SKAP1: variants seen among roughly 807,000 people sequenced by gnomAD.
SKAP1 encodes the protein src kinase associated phosphoprotein 1, also known as src kinase-associated phosphoprotein 1.
In SKAP1, 44 loss-of-function variants were observed where a neutral mutation model predicts 58.5. The observed-to-expected ratio is 0.75, with a 90% CI of 0.59 to 0.97. The LOEUF is 0.97. SKAP1 is among the 50% of genes least tolerant of loss of function. The probability of loss-of-function intolerance (pLI) is 0.00; values close to 1 mark genes in which losing one functional copy is unlikely to be tolerated. For missense variants in SKAP1, 390 were observed against 435.2 expected (o/e 0.90, Z 0.92); for synonymous variants, 127 against 149.7 (o/e 0.85, Z 1.11).
At chr17:48,245,917 G>A (rs967283628) in intron 4 of SKAP1, among the ~76,000 whole-genome samples, 18 of 152,170 alleles carry the variant, frequency 1.2e-4, no homozygotes, top group African/African-American at 4.3e-4. Context: ...AGAGGTTGCA[G>A]TGACCCAAGA....
At chr17:48,419,535 A>G (rs2067771267) in intron 1 of SKAP1, among the ~76,000 whole-genome samples, 1 of 152,116 alleles carries the variant, frequency 6.6e-6, no homozygotes, top group African/African-American at 2.4e-5. Flanking sequence ...CACCCGCCTC[A>G]GCCTCCCAAA....
rs957410982 is a variant in SKAP1, at chr17:48,426,846, C to T, written c.46+3229G>A. On this transcript the variant is annotated intron_variant, in intron 1 of 12. Coordinates refer to ENST00000336915, the MANE Select transcript of SKAP1 (RefSeq NM_003726.4). ...GATATTTGCCAAAAATCCAAGATAG[C>T]GTGTTTTTTTTTTTTAATTTCTCCA... Among the ~76,000 whole-genome samples the T allele has an allele frequency of 5.2e-5, 7 of 135,858 alleles. No individual in the cohort carries two copies. The East Asian group carries it at 8.0e-4, about 16-fold the overall frequency. 89.1% of individuals were successfully genotyped at this position (135,858 alleles called of 152,430 possible).
At chr17:48,276,543 G>A (rs2065704005) in intron 4 of SKAP1, among the ~76,000 whole-genome samples, 1 of 152,172 alleles carries the variant, frequency 6.6e-6, no homozygotes, top group Non-Finnish European at 1.5e-5. Flanking sequence ...GGAAGCAGAA[G>A]GGGTGATGCT....
intron 4 of SKAP1, among the ~76,000 whole-genome samples, chr17:48,280,019 A>G (rs1358706640): frequency 1.3e-5 from 2 of 152,228 alleles, no homozygotes; most frequent in Non-Finnish European, 2.9e-5. Context: ...TTTCTCATGG[A>G]AAGAACTCAT....
At chr17:48,210,024 A>C (rs879923905) in intron 4 of SKAP1, among the ~76,000 whole-genome samples, 14 of 152,338 alleles carry the variant, frequency 9.2e-5, no homozygotes, top group Non-Finnish European at 1.5e-4. Flanking sequence ...TCTCATCCAC[A>C]GTGTGGTAAC....
intron 4 of SKAP1, among the ~76,000 whole-genome samples, chr17:48,214,727 G>T (rs1051362549): frequency 6.6e-6 from 1 of 150,804 alleles, no homozygotes; most frequent in Non-Finnish European, 1.5e-5. Context: ...TTCGAGACCA[G>T]CCTGGCCAAC....
rs79097939 is a variant in SKAP1, at chr17:48,176,501, C to T, written c.826+3553G>A. Reference sequence around the variant, plus strand: ...GGCTCAGAAAAGCCTCCATTTTCTACATATTGCTTTAGCATTTCTTTGTGG... The same window carrying T: ...GGCTCAGAAAAGCCTCCATTTTCTATATATTGCTTTAGCATTTCTTTGTGG... On this transcript the variant is annotated intron_variant, in intron 9 of 12. Transcript: ENST00000336915. Among the ~76,000 whole-genome samples, 103 of 152,250 alleles carry T rather than the reference C, an allele frequency of 6.8e-4. No individual in the cohort carries two copies. In the East Asian group the frequency reaches 0.018, roughly 27 times the overall value.
At chr17:48,235,949 G>T (rs2065175794) in intron 4 of SKAP1, among the ~76,000 whole-genome samples, 2 of 152,204 alleles carry the variant, frequency 1.3e-5, no homozygotes, top group Non-Finnish European at 2.9e-5. Flanking sequence ...ATGATCCATT[G>T]ATTTAAGAGG....
At chr17:48,214,930 GTAAAATAAAA>G (rs58154261) in intron 4 of SKAP1, among the ~76,000 whole-genome samples, 111 of 126,944 alleles carry the variant, frequency 8.7e-4, no homozygotes, top group African/African-American at 3.0e-3. Flanking sequence ...TCAAAATAAA[GTAAAATAAAA>G]TAAAATAAAA....
chr17:48,365,405 C>T (rs2066989426), intron 2 of SKAP1, among the ~76,000 whole-genome samples: 1 of 152,216 alleles, frequency 6.6e-6, no homozygotes, highest in Admixed American at 6.5e-5. Context: ...CCATTTCCTC[C>T]TGCCTTCACA....
intron 4 of SKAP1, among the ~76,000 whole-genome samples, chr17:48,215,498 G>A (rs16953910): frequency 0.027 from 4,117 of 152,282 alleles, 172 homozygotes; most frequent in African/African-American, 0.092. Context: ...GAACACCATT[G>A]GGCAGACGGA....
chr17:48,227,230 A>C (rs966234337), intron 4 of SKAP1, among the ~76,000 whole-genome samples: 6 of 152,218 alleles, frequency 3.9e-5, no homozygotes, highest in African/African-American at 1.4e-4. Flanking sequence ...AAGAGTTTCC[A>C]GAAAGACTAT....
At chr17:48,232,925 C>T (rs1409375152) in intron 4 of SKAP1, among the ~76,000 whole-genome samples, 2 of 152,148 alleles carry the variant, frequency 1.3e-5, no homozygotes, top group Non-Finnish European at 2.9e-5. Flanking sequence ...TCTATTATTT[C>T]CAAATAAATT....
intron 4 of SKAP1, among the ~76,000 whole-genome samples, chr17:48,321,236 A>G (rs2066358249): frequency 6.6e-6 from 1 of 152,118 alleles, no homozygotes; most frequent in African/African-American, 2.4e-5. Flanking sequence ...CTCTCTAGAT[A>G]TAAATATGTA....
rs190926826 is a variant in SKAP1, at chr17:48,333,343, A to G, written c.280+12562T>C. Among the ~76,000 whole-genome samples, 8 of 152,338 alleles carry G rather than the reference A, an allele frequency of 5.3e-5. No homozygotes were observed. The East Asian group carries it at 1.3e-3, about 26-fold the overall frequency. ...ACAAAAAGGCTGACAGAAGGCCAGC[A>G]TTAAATAAAAATGTAAACGCTCTGA... is the stretch of plus-strand genomic sequence containing the variant. On this transcript the variant is annotated intron_variant, in intron 4 of 12. Coordinates refer to ENST00000336915, the MANE Select transcript of SKAP1 (RefSeq NM_003726.4).
At chr17:48,241,433 G>T (rs1236006431) in intron 4 of SKAP1, among the ~76,000 whole-genome samples, 3 of 152,124 alleles carry the variant, frequency 2.0e-5, no homozygotes, top group Admixed American at 6.5e-5. Flanking sequence ...TTTACAGCAG[G>T]CTTCAAGCTC....
intron 4 of SKAP1, among the ~76,000 whole-genome samples, chr17:48,236,721 C>G (rs1487495599): frequency 6.6e-6 from 1 of 152,176 alleles, no homozygotes; most frequent in Non-Finnish European, 1.5e-5. Flanking sequence ...AAGTAAGAAA[C>G]AGGATTCCAG....
chr17:48,184,244 G>C (rs2064413290), intron 7 of SKAP1, among the ~76,000 whole-genome samples: 6 of 151,496 alleles, frequency 4.0e-5, no homozygotes, highest in Admixed American at 3.9e-4. Context: ...AATCCTTCCA[G>C]AGATATGCAA....
At chr17:48,440,341 C>T in the SKAP1 span, among the ~76,000 whole-genome samples, 2 of 152,166 alleles carry the variant, frequency 1.3e-5, no homozygotes, top group Non-Finnish European at 2.9e-5. Context: ...TCCCTCTGCC[C>T]CAGAGCTGCT....
Sources: gnomAD v4.1 joint callset for allele counts (sites outside exome capture counted in the v4.1 genomes callset) on GRCh38, gnomAD v4.1.1 for gene constraint, MANE v1.5 for transcripts, NCBI Gene and HGNC (gene_info 2026-07-23, HGNC 2026-07-21) for gene names.